The following KIAA1671 variants were observed in gnomAD, a reference collection of about 807,000 sequenced individuals.
KIAA1671 encodes uncharacterized protein KIAA1671.
In KIAA1671, 52 loss-of-function variants were observed where a neutral mutation model predicts 131.2. That is an observed-to-expected ratio of 0.40 (90% CI 0.32 to 0.50). The LOEUF is 0.50. Ranked by LOEUF, KIAA1671 falls within the 20% of genes least tolerant of loss-of-function variation. The pLI, the probability that KIAA1671 is intolerant of heterozygous loss-of-function variation, is 0.73. For missense variants in KIAA1671, 2,360 were observed against 2,364.2 expected (o/e 1.00, Z 0.04); for synonymous variants, 1,003 against 961.6 (o/e 1.04, Z -0.80).
intron 7 of KIAA1671, among the ~76,000 whole-genome samples, chr22:25,173,171 C>G (rs1410563704): frequency 6.6e-6 from 1 of 152,178 alleles, no homozygotes; most frequent in African/African-American, 2.4e-5. Context: ...TGTGAGAGCT[C>G]ACTCACTATC....
In KIAA1671 at chr22:24,999,583, G is replaced by C. The variant is rs1170353363; in HGVS notation, c.-207-26050G>C. ...TTGGTTTTGTTTGTTTGTTTTCTGA[G>C]ACGGAGTCTCACTCTGTTGCCTAGG... On this transcript the variant is annotated intron_variant, in intron 1 of 12. Transcript: ENST00000358431. 2.7e-5 allele frequency among the ~76,000 whole-genome samples: 4 copies of C among 147,860 alleles called. No individual in the cohort carries two copies. In the Admixed American group the frequency reaches 2.7e-4, roughly 10 times the overall value.
In KIAA1671 at chr22:25,029,091, G is replaced by A. The variant is rs753618613; in HGVS notation, c.1092G>A (p.Met364Ile). 249 of 1,492,262 alleles carry A rather than the reference G, an allele frequency of 1.7e-4. 1 individual carries two copies. Among genetic ancestry groups the A allele is most frequent in the Non-Finnish European group, 6.4e-5 (72 of 1,118,710 alleles). The allele number at this position is 1,492,262 out of a possible 1,614,324, so 92.4% of individuals were successfully genotyped here. ...AGAAGATGCTTTCGAAGCCGGAGAT[G>A]GGCAGCCCCAGAGCCCTGGTGGGGG... ...RKEKMLSKPEMGSPRALVGGS... is the reference protein window; with the variant it reads ...RKEKMLSKPEIGSPRALVGGS... Residue 364 changes from methionine to isoleucine, a missense_variant, in exon 3 of 13, where the codon ATG becomes ATA. Transcript: ENST00000358431.
At chr22:25,105,621 C>T (rs150819284) in intron 6 of KIAA1671, among the ~76,000 whole-genome samples, 13 of 152,312 alleles carry the variant, frequency 8.5e-5, no homozygotes, top group Admixed American at 6.5e-4. Flanking sequence ...GCAGACCGCT[C>T]TGTACCTAAA....
intron 1 of KIAA1671, among the ~76,000 whole-genome samples, chr22:24,965,200 A>C (rs1330647564): frequency 1.3e-5 from 2 of 151,880 alleles, no homozygotes; most frequent in South Asian, 2.1e-4. Flanking sequence ...AGATCACCTG[A>C]GGTCAGGAAT....
chr22:25,155,359 G>C (rs1276795607), intron 6 of KIAA1671, among the ~76,000 whole-genome samples: 1 of 152,098 alleles, frequency 6.6e-6, no homozygotes, highest in East Asian at 1.9e-4. Flanking sequence ...GTGTGCATTT[G>C]TGTGTGTATT....
chr22:25,067,651 C>G (rs1018720342), intron 6 of KIAA1671, among the ~76,000 whole-genome samples: 1 of 152,148 alleles, frequency 6.6e-6, no homozygotes, highest in African/African-American at 2.4e-5. Context: ...CTCTCTTCCT[C>G]TCTCCATCCC....
chr22:24,999,694 C>T (rs879471198), intron 1 of KIAA1671, among the ~76,000 whole-genome samples: 2 of 149,432 alleles, frequency 1.3e-5, no homozygotes, highest in Non-Finnish European at 3.0e-5. Context: ...TCCCAAGTAG[C>T]TGGGACTACA....
At chr22:24,987,701 C>G (rs992849041) in intron 1 of KIAA1671, among the ~76,000 whole-genome samples, 1 of 152,180 alleles carries the variant, frequency 6.6e-6, no homozygotes, top group Non-Finnish European at 1.5e-5. Flanking sequence ...AAGCAATGCT[C>G]CCACCTCAAC....
intron 6 of KIAA1671, among the ~76,000 whole-genome samples, chr22:25,106,478 G>A (rs191209065): frequency 5.6e-4 from 86 of 152,306 alleles, no homozygotes; most frequent in Admixed American, 2.1e-3. Context: ...TAGCTGCATC[G>A]ATGGAAATGA....
At chr22:24,987,589 G>A (rs889480586) in intron 1 of KIAA1671, among the ~76,000 whole-genome samples, 8 of 152,090 alleles carry the variant, frequency 5.3e-5, no homozygotes, top group Admixed American at 5.2e-4. Flanking sequence ...TCCTGCCTCA[G>A]CCTCCTGAGT....
intron 1 of KIAA1671, among the ~76,000 whole-genome samples, chr22:24,965,378 G>A (rs1440648129): frequency 1.3e-5 from 2 of 151,206 alleles, no homozygotes; most frequent in Admixed American, 6.6e-5. Context: ...TCACGCCAGT[G>A]CACGCCAGCC....
intron 1 of KIAA1671, among the ~76,000 whole-genome samples, chr22:24,967,549 T>A (rs927205353): frequency 3.9e-5 from 6 of 152,192 alleles, no homozygotes; most frequent in Non-Finnish European, 5.9e-5. Flanking sequence ...CACTGGGCCT[T>A]GGGCCTCAGA....
intron 1 of KIAA1671, chr22:25,013,503 G>A (rs1479002063): frequency 6.6e-6 from 1 of 152,134 alleles, no homozygotes; most frequent in Non-Finnish European, 1.5e-5. Context: ...GCCAGTGTAA[G>A]CTTATTCTTT....
Position 25,039,408 on chromosome 22 carries a change from C to T in KIAA1671, c.2278C>T (p.Arg760Cys), listed in dbSNP as rs868750654. The change falls in exon 5 of 13, where the codon CGC (arginine) becomes TGC (cysteine). Residue 760 changes from arginine to cysteine, a missense_variant. Transcript: ENST00000358431. ...ACCGGAGGAGAAAGCGGTCACGCTC[C>T]GCAGCCTCAGGTCTTGGCTCTCACT... ...PAPEEKAVTL[R>C]SLRSWLSLKD... The T allele has an allele frequency of 1.1e-4, 170 of 1,551,788 alleles. No homozygotes were observed. In the African/African-American group the frequency reaches 1.9e-3, roughly 18 times the overall value.
chr22:25,076,616 C>G (rs1929122342), intron 6 of KIAA1671, among the ~76,000 whole-genome samples: 1 of 152,224 alleles, frequency 6.6e-6, no homozygotes, highest in African/African-American at 2.4e-5. Flanking sequence ...GCTACAGCCT[C>G]TGGTGTGGCT....
intron 10 of KIAA1671, among the ~76,000 whole-genome samples, chr22:25,183,549 T>C (rs544862158): frequency 1.3e-5 from 2 of 150,500 alleles, no homozygotes; most frequent in Non-Finnish European, 3.0e-5. Context: ...TTTTTGTTTT[T>C]TGAGACAGTC....
chr22:24,989,316 G>A (rs1474275587), intron 1 of KIAA1671, among the ~76,000 whole-genome samples: 1 of 152,158 alleles, frequency 6.6e-6, no homozygotes, highest in Non-Finnish European at 1.5e-5. Context: ...CCCACTGGGT[G>A]CCTGGTGTGC....
chr22:25,070,151 G>T (rs971623866), intron 6 of KIAA1671: 19 of 382,542 alleles, frequency 5.0e-5, no homozygotes, highest in Non-Finnish European at 8.8e-5. Flanking sequence ...GCCCCGGGCG[G>T]GGCTCATAGG....
chr22:25,119,307 A>G (rs1031784103), intron 6 of KIAA1671, among the ~76,000 whole-genome samples: 1 of 152,174 alleles, frequency 6.6e-6, no homozygotes, highest in Non-Finnish European at 1.5e-5. Context: ...GTGTACGGCC[A>G]CATCACCCTG....
Sources: allele counts gnomAD v4.1 joint callset (sites outside exome capture counted in the v4.1 genomes callset), GRCh38; gene constraint gnomAD v4.1.1; transcripts MANE v1.5; gene names NCBI Gene and HGNC (gene_info 2026-07-23, HGNC 2026-07-21).